CLPB: variants seen among roughly 807,000 people sequenced by gnomAD.
CLPB encodes ClpB family mitochondrial disaggregase.
Under a neutral mutation model 78.4 loss-of-function variants are expected in CLPB, and 40 were observed. The ratio of observed to expected loss-of-function variants is 0.51; its 90% CI spans 0.40 to 0.66. The LOEUF (loss-of-function observed/expected upper bound fraction) is 0.66, where lower values mean the gene tolerates loss of function less well. Ranked by LOEUF, CLPB falls within the 30% of genes least tolerant of loss-of-function variation. The pLI is 0.00. For missense variants in CLPB, 780 were observed against 886.9 expected, an observed-to-expected ratio of 0.88 and a Z score of 1.53; for synonymous variants, 333 against 348.0, an observed-to-expected ratio of 0.96 and a Z score of 0.48.
chr11:72,291,861 G>C lies in CLPB; in HGVS notation c.*1506C>G, dbSNP rs1282727381. Reference sequence around the variant, plus strand: ...GATTGAGACCATCCTGGCTAACATGGTGAAACCCTGTCTCTACTAAAAATA... The same window carrying C: ...GATTGAGACCATCCTGGCTAACATGCTGAAACCCTGTCTCTACTAAAAATA... On this transcript the variant is annotated 3_prime_UTR_variant, in exon 16 of 16. Transcript: ENST00000538039. 6.6e-6 allele frequency: 1 copy of C among 151,236 alleles called. No individual in the cohort carries two copies. The highest frequency in any genetic ancestry group is 6.6e-5 in the Admixed American group (1 of 15,170). 9.4% of individuals were successfully genotyped at this position (151,236 alleles called of 1,614,324 possible).
chr11:72,308,610 G>C lies in CLPB; in HGVS notation c.989-6C>G. 6.2e-7 allele frequency: 1 copy of C among 1,613,394 alleles called. No individual in the cohort carries two copies. On this transcript the variant is annotated splice_region_variant and splice_polypyrimidine_tract_variant and intron_variant, in intron 7 of 15. Coordinates refer to ENST00000538039, the MANE Select transcript of CLPB (RefSeq NM_001258392.3). ...ATTCTCCTTCCTCCGGATCGCTACG[G>C]CCAAACACACAAGATCAGGGGACAG...
chr11:72,322,384 G>A (rs182149636), intron 6 of CLPB, among the ~76,000 whole-genome samples: 154 of 152,306 alleles, frequency 1.0e-3, no homozygotes, highest in African/African-American at 3.5e-3. Context: ...GAGAAAATGA[G>A]TTTGTGCTCG....
chr11:72,298,389 C>A (rs561297729), intron 11 of CLPB, among the ~76,000 whole-genome samples: 8 of 152,326 alleles, frequency 5.3e-5, no homozygotes, highest in Non-Finnish European at 1.2e-4. Context: ...AGCTGCCTGT[C>A]TCCGCACTCA....
intron 4 of CLPB, among the ~76,000 whole-genome samples, chr11:72,361,716 G>A (rs1950842736): frequency 6.6e-6 from 1 of 152,212 alleles, no homozygotes; most frequent in Non-Finnish European, 1.5e-5. Context: ...GCTCAAGAAA[G>A]CAGGAAAGGT....
intron 5 of CLPB, among the ~76,000 whole-genome samples, chr11:72,348,382 A>C (rs1172912244): frequency 6.6e-6 from 1 of 152,190 alleles, no homozygotes; most frequent in African/African-American, 2.4e-5. Flanking sequence ...CTCTTCCCCA[A>C]GATCCTCCAC....
chr11:72,357,467 C>T (rs531960307), intron 5 of CLPB, among the ~76,000 whole-genome samples: 3 of 152,058 alleles, frequency 2.0e-5, no homozygotes, highest in South Asian at 2.1e-4. Flanking sequence ...GAGGCTGAGG[C>T]GGGTGGATCA....
intron 4 of CLPB, among the ~76,000 whole-genome samples, chr11:72,378,097 C>T (rs1349628952): frequency 6.6e-6 from 1 of 152,166 alleles, no homozygotes; most frequent in Non-Finnish European, 1.5e-5. Context: ...AGTGTGACAG[C>T]AGAAGTTGGA....
intron 6 of CLPB, among the ~76,000 whole-genome samples, chr11:72,324,833 A>T (rs1315354379): frequency 6.6e-6 from 1 of 152,196 alleles, no homozygotes; most frequent in African/African-American, 2.4e-5. Context: ...CAGCTCTGAG[A>T]GGAGCACCCA....
chr11:72,398,174 T>A (rs988385413), intron 3 of CLPB, among the ~76,000 whole-genome samples: 2 of 152,162 alleles, frequency 1.3e-5, no homozygotes, highest in Non-Finnish European at 1.5e-5. Context: ...TCCCAATCCA[T>A]CCCTCAGTGG....
In CLPB at chr11:72,312,190, G is replaced by T. The variant is rs1474489996; in HGVS notation, c.989-3586C>A. Among the ~76,000 whole-genome samples the T allele has an allele frequency of 1.3e-5, 2 of 152,216 alleles. No homozygotes were observed. Among genetic ancestry groups the T allele is most frequent in the Non-Finnish European group, 2.9e-5 (2 of 68,046 alleles). On this transcript the variant is annotated intron_variant, in intron 7 of 15. Transcript: ENST00000538039. The surrounding 1 kb of genome is among the most constrained non-coding windows in gnomAD (Gnocchi z 4.2). ...CACATATACTGTGTCAGCCCCACAT[G>T]CAGATTAAACAAGTTAATGGTGATG... is the stretch of plus-strand genomic sequence containing the variant.
At chr11:72,365,049 G>C (rs1486865651) in intron 4 of CLPB, among the ~76,000 whole-genome samples, 1 of 152,146 alleles carries the variant, frequency 6.6e-6, no homozygotes, top group Non-Finnish European at 1.5e-5. Context: ...GCTGGGGGTG[G>C]TGGCTCCTAC....
intron 5 of CLPB, among the ~76,000 whole-genome samples, chr11:72,339,778 A>G (rs1264051763): frequency 6.6e-6 from 1 of 152,216 alleles, no homozygotes; most frequent in Non-Finnish European, 1.5e-5. Context: ...TGCTTTGATT[A>G]CAGACCTCAG....
At chr11:72,371,641 A>T (rs1951045048) in intron 4 of CLPB, among the ~76,000 whole-genome samples, 1 of 152,090 alleles carries the variant, frequency 6.6e-6, no homozygotes, top group Admixed American at 6.5e-5. Context: ...GGTCTTGAAC[A>T]CCTGGGCTCA....
rs1590748066 is a variant in CLPB at position 72,290,888 on chromosome 11, T to C, written c.*2479A>G. The stretch of plus-strand genomic sequence containing the variant: ...TGAACCCAGGAGGCAGAGGTTGCAG[T>C]GAGCCGAGATTGCGCCACTGCACTC... On this transcript the variant is annotated 3_prime_UTR_variant, in exon 16 of 16. Coordinates refer to ENST00000538039, the MANE Select transcript of CLPB (RefSeq NM_001258392.3). 1.3e-5 allele frequency: 2 copies of C among 149,004 alleles called. No individual in the cohort carries two copies. Among genetic ancestry groups the C allele is most frequent in the Admixed American group, 6.8e-5 (1 of 14,790 alleles). 9.2% of individuals were successfully genotyped at this position (149,004 alleles called of 1,614,324 possible).
At chr11:72,378,599 T>C (rs1854796573) in intron 4 of CLPB, among the ~76,000 whole-genome samples, 1 of 152,140 alleles carries the variant, frequency 6.6e-6, no homozygotes, top group African/African-American at 2.4e-5. Flanking sequence ...AGTTGAGATT[T>C]GAATAGGGAT....
intron 3 of CLPB, among the ~76,000 whole-genome samples, chr11:72,400,267 G>C (rs1263921628): frequency 6.6e-6 from 1 of 152,144 alleles, no homozygotes; most frequent in Non-Finnish European, 1.5e-5. Flanking sequence ...TCCAACCCAA[G>C]AGTGTGCTAT....
chr11:72,402,714 T>A (rs989909910), intron 3 of CLPB, among the ~76,000 whole-genome samples: 5 of 152,212 alleles, frequency 3.3e-5, no homozygotes, highest in African/African-American at 1.2e-4. Flanking sequence ...ATTTGGTTGC[T>A]ACAACAATGC....
In CLPB at chr11:72,307,215, T is replaced by A. The variant is rs768977393; in HGVS notation, c.1106A>T (p.His369Leu). ...AGTTCTTACCTTTTTAGCATCTTTGTGCATATATTTGGCTGTCTGCTTGGC... is the reference window on the plus strand; with the variant it reads ...AGTTCTTACCTTTTTAGCATCTTTGAGCATATATTTGGCTGTCTGCTTGGC... ...ELAKQTAKYM[H>L]KDAKKGFIRL... Residue 369 changes from histidine to leucine, a missense_variant, in exon 9 of 16, where the codon CAC (histidine) becomes CTC (leucine). His to Leu is a moderately conservative substitution (Grantham distance 99). Transcript: ENST00000538039. The A allele has an allele frequency of 6.2e-7, 1 of 1,614,106 alleles. No homozygotes were observed. Among genetic ancestry groups the A allele is most frequent in the Non-Finnish European group, 8.5e-7 (1 of 1,180,012 alleles).
In CLPB at chr11:72,390,141, T is replaced by A. The variant is rs117170462; in HGVS notation, c.543-9757A>T. ...TCAGGCTTTGATAGAAATGCTAGGA[T>A]CAGAAGGCCCAACATGCCAGGCGCA... On this transcript the variant is annotated intron_variant, in intron 3 of 15. Coordinates refer to ENST00000538039, the MANE Select transcript of CLPB (RefSeq NM_001258392.3). Among the ~76,000 whole-genome samples the A allele has an allele frequency of 1.8e-4, 28 of 151,952 alleles. No homozygotes were observed. The East Asian group carries it at 4.9e-3, about 26-fold the overall frequency.
Sources: allele counts gnomAD v4.1 joint callset (sites outside exome capture counted in the v4.1 genomes callset), GRCh38; gene constraint gnomAD v4.1.1; non-coding constraint Gnocchi (gnomAD v3.1); transcripts MANE v1.5; gene names NCBI Gene and HGNC (gene_info 2026-07-23, HGNC 2026-07-21).